The following PTPRD variants were observed in gnomAD, a reference collection of about 807,000 sequenced individuals.
PTPRD encodes protein tyrosine phosphatase receptor type D, also known as receptor-type tyrosine-protein phosphatase delta.
A neutral mutation model predicts 214.5 loss-of-function variants in PTPRD; 34 were observed. The ratio of observed to expected loss-of-function variants is 0.16; its 90% CI spans 0.12 to 0.21. PTPRD has a LOEUF of 0.21. Ranked by LOEUF, PTPRD falls within the 10% of genes least tolerant of loss-of-function variation. The pLI, the probability that PTPRD is intolerant of heterozygous loss-of-function variation, is 1.00. For synonymous variants in PTPRD, 1,128 were observed against 845.7 expected, an observed-to-expected ratio of 1.33 and a Z score of -5.79; for missense variants, 2,545 against 2,398.7, an observed-to-expected ratio of 1.06 and a Z score of -1.27.
chr9:9,270,282 G>C (rs1942293688), intron 9 of PTPRD, among the ~76,000 whole-genome samples: 1 of 151,356 alleles, frequency 6.6e-6, no homozygotes, highest in Non-Finnish European at 1.5e-5. Flanking sequence ...GATAATTGCT[G>C]TGACAGAAAT....
At chr9:9,890,073 G>C (rs1286838280) in intron 5 of PTPRD, among the ~76,000 whole-genome samples, 1 of 152,100 alleles carries the variant, frequency 6.6e-6, no homozygotes, top group Non-Finnish European at 1.5e-5. Flanking sequence ...TCTTAAATTG[G>C]TCTGTTTCTT....
intron 11 of PTPRD, among the ~76,000 whole-genome samples, chr9:8,827,762 T>C (rs2097205329): frequency 6.6e-6 from 1 of 152,226 alleles, no homozygotes; most frequent in African/African-American, 2.4e-5. Flanking sequence ...AGATTTATTA[T>C]TGTTTACTAG....
chr9:9,959,498 TA>T (rs1225380534), intron 4 of PTPRD, among the ~76,000 whole-genome samples: 1 of 152,170 alleles, frequency 6.6e-6, no homozygotes, highest in Non-Finnish European at 1.5e-5. Context: ...TATAGACATT[TA>T]AAAAATTTAG....
chr9:10,413,560 T>C (rs928195048), intron 2 of PTPRD, among the ~76,000 whole-genome samples: 1 of 152,152 alleles, frequency 6.6e-6, no homozygotes, highest in Admixed American at 6.6e-5. Context: ...TTCAATTCTA[T>C]TCCTATGAAA....
rs555855191 is a variant in PTPRD, at chr9:9,425,502, G to C, written c.-236-28020C>G. The stretch of plus-strand genomic sequence containing the variant: ...ATGTTTGGTGCAAAAGTAATTGTGG[G>C]TTTTGCCATAAAAGTAATGGCAAAA... On this transcript the variant is annotated intron_variant, in intron 8 of 45. Transcript: ENST00000381196. 2.9e-3 allele frequency among the ~76,000 whole-genome samples: 426 copies of C among 148,270 alleles called. 4 individuals are homozygous for C. Among genetic ancestry groups the C allele is most frequent in the African/African-American group, 0.01 (412 of 40,624 alleles).
intron 20 of PTPRD, among the ~76,000 whole-genome samples, chr9:8,518,771 T>C (rs1321667789): frequency 6.6e-6 from 1 of 152,204 alleles, no homozygotes; most frequent in Non-Finnish European, 1.5e-5. Flanking sequence ...TAAGTCATAT[T>C]ATACAGCTGT....
chr9:9,302,601 C>CTTTTTTTTTTTTTTTTTTTTTTTTTTT (rs3047853), intron 9 of PTPRD, among the ~76,000 whole-genome samples: 28 of 111,886 alleles, frequency 2.5e-4, no homozygotes, highest in South Asian at 6.0e-4. Context: ...TTTTTTTTTT[C>CTTTTTTTTTTTTTTTTTTTTTTTTTTT]TTTTTTTTTT....
chr9:9,200,117 C>T (rs755659302), intron 9 of PTPRD, among the ~76,000 whole-genome samples: 1 of 152,196 alleles, frequency 6.6e-6, no homozygotes, highest in Admixed American at 6.6e-5. Flanking sequence ...AAATAAGTTG[C>T]CTCTGCTCCT....
rs1822994404 is a variant in PTPRD at position 8,317,860 on chromosome 9, T to A, written c.*14A>T. On this transcript the variant is annotated 3_prime_UTR_variant, in exon 46 of 46. Coordinates refer to ENST00000381196, the MANE Select transcript of PTPRD (RefSeq NM_002839.4). ...AAGGGCCTGTAGTAAAAATCCAGAA[T>A]GGGTCAGGGGTTTCTACGTTGCATA... The A allele has an allele frequency of 6.2e-6, 10 of 1,611,222 alleles. No individual in the cohort carries two copies. Among genetic ancestry groups the A allele is most frequent in the Non-Finnish European group, 8.5e-6 (10 of 1,177,974 alleles).
intron 35 of PTPRD, among the ~76,000 whole-genome samples, chr9:8,410,086 C>T (rs1380711281): frequency 6.6e-6 from 1 of 152,212 alleles, no homozygotes; most frequent in Non-Finnish European, 1.5e-5. Flanking sequence ...TTAAAATTCT[C>T]ATTCATTGTC....
intron 9 of PTPRD, among the ~76,000 whole-genome samples, chr9:9,212,915 C>T (rs1328627982): frequency 6.6e-6 from 1 of 152,050 alleles, no homozygotes; most frequent in Non-Finnish European, 1.5e-5. Flanking sequence ...AACTCCCGTG[C>T]CTTTGGTTTA....
intron 4 of PTPRD, among the ~76,000 whole-genome samples, chr9:9,947,346 A>ATT (rs1263631395): frequency 6.9e-5 from 3 of 43,688 alleles, no homozygotes; most frequent in East Asian, 3.1e-3. Flanking sequence ...TTATATATAT[A>ATT]ATATATATTA....
intron 35 of PTPRD, among the ~76,000 whole-genome samples, chr9:8,419,868 G>A (rs1040473288): frequency 1.3e-5 from 2 of 151,672 alleles, no homozygotes; most frequent in Admixed American, 6.6e-5. Flanking sequence ...TCCCTACAGC[G>A]GGTCCAAAAA....
chr9:9,384,745 A>T (rs1175716912), intron 9 of PTPRD, among the ~76,000 whole-genome samples: 1 of 152,004 alleles, frequency 6.6e-6, no homozygotes, highest in Non-Finnish European at 1.5e-5. Context: ...ACTTTCTATT[A>T]TGATGAATTT....
At chr9:8,747,650 G>T (rs958667416) in intron 11 of PTPRD, among the ~76,000 whole-genome samples, 1 of 151,926 alleles carries the variant, frequency 6.6e-6, no homozygotes, top group African/African-American at 2.4e-5. Context: ...TAGAATGAAG[G>T]ACCTCACGAG....
At chr9:8,366,437 G>C (rs1317541700) in intron 39 of PTPRD, among the ~76,000 whole-genome samples, 8 of 152,038 alleles carry the variant, frequency 5.3e-5, no homozygotes. Flanking sequence ...GATGGGAAGA[G>C]ACAGAAAAAG....
chr9:9,440,077 T>A (rs1351020152), intron 8 of PTPRD, among the ~76,000 whole-genome samples: 1 of 152,202 alleles, frequency 6.6e-6, no homozygotes, highest in Non-Finnish European at 1.5e-5. Context: ...TTCAACTTAA[T>A]CTGATTGAAT....
intron 12 of PTPRD, among the ~76,000 whole-genome samples, chr9:8,675,764 C>T (rs1015361937): frequency 6.6e-6 from 1 of 152,242 alleles, no homozygotes; most frequent in Admixed American, 6.5e-5. Context: ...GCCGTCCCCA[C>T]TCTGATTCAG....
At chr9:9,427,466 G>T (rs867311841) in intron 8 of PTPRD, among the ~76,000 whole-genome samples, 27 of 152,130 alleles carry the variant, frequency 1.8e-4, no homozygotes, top group African/African-American at 6.3e-4. Context: ...CAGGGAGAAT[G>T]GAACCAAGTT....
Sources: gnomAD v4.1 joint callset for allele counts (sites outside exome capture counted in the v4.1 genomes callset) on GRCh38, gnomAD v4.1.1 for gene constraint, MANE v1.5 for transcripts, NCBI Gene and HGNC (gene_info 2026-07-23, HGNC 2026-07-21) for gene names.